The following SLC24A2 variants were observed in gnomAD, a reference collection of about 807,000 sequenced individuals.
The protein encoded by SLC24A2 is solute carrier family 24 member 2, also known as sodium/potassium/calcium exchanger 2.
Under a neutral mutation model 62.0 loss-of-function variants are expected in SLC24A2, and 36 were observed. The observed-to-expected ratio is 0.58, with a 90% confidence interval of 0.44 to 0.77. The LOEUF (loss-of-function observed/expected upper bound fraction) is 0.77, where lower values mean the gene tolerates loss of function less well. Ranked by LOEUF, SLC24A2 falls within the 30% of genes least tolerant of loss-of-function variation. The pLI is 0.00. For missense variants in SLC24A2, 846 were observed against 817.9 expected, an observed-to-expected ratio of 1.03 and a Z score of -0.42; for synonymous variants, 358 against 294.0, an observed-to-expected ratio of 1.22 and a Z score of -2.23.
chr9:20,150,250 G>A, the SLC24A2 span, among the ~76,000 whole-genome samples: 1 of 151,832 alleles, frequency 6.6e-6, no homozygotes, highest in Non-Finnish European at 1.5e-5. Flanking sequence ...AAATGCAACT[G>A]GATTATTACA....
At chr9:19,803,117 C>T in the SLC24A2 span, among the ~76,000 whole-genome samples, 1 of 152,152 alleles carries the variant, frequency 6.6e-6, no homozygotes, top group African/African-American at 2.4e-5. Context: ...TAAGCCACCC[C>T]ATTTATGGTA....
chr9:19,689,430 C>T (rs1435333821), intron 2 of SLC24A2, among the ~76,000 whole-genome samples: 1 of 152,124 alleles, frequency 6.6e-6, no homozygotes, highest in African/African-American at 2.4e-5. Context: ...CTGCTGAAAG[C>T]ATTTTGGATA....
chr9:20,140,769 G>T, the SLC24A2 span, among the ~76,000 whole-genome samples: 2 of 152,142 alleles, frequency 1.3e-5, no homozygotes, highest in African/African-American at 4.8e-5. Context: ...AAAGGATCCT[G>T]GTTTGGACAA....
At chr9:19,761,900 G>A (rs1041072412) in intron 2 of SLC24A2, among the ~76,000 whole-genome samples, 1 of 152,076 alleles carries the variant, frequency 6.6e-6, no homozygotes, top group Admixed American at 6.6e-5. Flanking sequence ...ATTTGGGTTG[G>A]TTCCAAGTCT....
At chr9:19,911,809 A>G in the SLC24A2 span, among the ~76,000 whole-genome samples, 16 of 152,246 alleles carry the variant, frequency 1.1e-4, no homozygotes, top group South Asian at 2.1e-3. Context: ...CACCATCGCT[A>G]TCACTTGTCT....
the SLC24A2 span, among the ~76,000 whole-genome samples, chr9:20,289,408 G>C: frequency 6.6e-6 from 1 of 152,148 alleles, no homozygotes; most frequent in Non-Finnish European, 1.5e-5. Flanking sequence ...TCTTCTCCAT[G>C]GGAACAAGAC....
At chr9:20,236,680 C>T in the SLC24A2 span, among the ~76,000 whole-genome samples, 7 of 152,090 alleles carry the variant, frequency 4.6e-5, no homozygotes, top group Middle Eastern at 3.2e-3. Flanking sequence ...AATAATTGAA[C>T]TAAAAAAGAC....
At chr9:19,785,258 A>T (rs1252662644) in intron 2 of SLC24A2, among the ~76,000 whole-genome samples, 1 of 152,218 alleles carries the variant, frequency 6.6e-6, no homozygotes, top group Non-Finnish European at 1.5e-5. Context: ...CTCAAATTCT[A>T]CTCTAAAAAT....
At chr9:19,521,212 G>T in intron 9 of SLC24A2, 152 bp from the exon 10 acceptor site, 1 of 743,378 alleles carries the variant, frequency 1.3e-6, no homozygotes. Flanking sequence ...CACAGTCATT[G>T]CTAATAGAGT....
At chr9:20,223,581 C>T in the SLC24A2 span, among the ~76,000 whole-genome samples, 2 of 152,112 alleles carry the variant, frequency 1.3e-5, no homozygotes, top group Non-Finnish European at 2.9e-5. Flanking sequence ...TATAATTTAT[C>T]ATAAAGCTTA....
chr9:19,882,754 A>C, the SLC24A2 span, among the ~76,000 whole-genome samples: 2 of 152,126 alleles, frequency 1.3e-5, no homozygotes, highest in Admixed American at 6.5e-5. Context: ...CTCACCCCAC[A>C]GGTTAGAGAA....
chr9:19,785,914 A>C (rs1564100182), intron 2 of SLC24A2, 23 bp downstream of exon 2: 3 of 1,614,190 alleles, frequency 1.9e-6, no homozygotes, highest in African/African-American at 2.7e-5. Flanking sequence ...AAAAGCATTA[A>C]ATAAAAATCC....
intron 1 of SLC24A2, among the ~76,000 whole-genome samples, chr9:19,787,452 A>T (rs1001699003): frequency 6.6e-6 from 1 of 152,228 alleles, no homozygotes; most frequent in African/African-American, 2.4e-5. Context: ...GGCAACTAAC[A>T]ATTATTCATT....
At chr9:19,800,168 G>A in the SLC24A2 span, among the ~76,000 whole-genome samples, 1 of 152,098 alleles carries the variant, frequency 6.6e-6, no homozygotes, top group African/African-American at 2.4e-5. Flanking sequence ...AGTAGATCAT[G>A]TTCTGAGGTT....
the SLC24A2 span, among the ~76,000 whole-genome samples, chr9:19,994,338 G>A: frequency 6.6e-6 from 1 of 152,142 alleles, no homozygotes; most frequent in Non-Finnish European, 1.5e-5. Context: ...GCCTTAGCAT[G>A]AATAACCAGG....
the SLC24A2 span, among the ~76,000 whole-genome samples, chr9:20,279,373 A>C: frequency 6.6e-6 from 1 of 152,048 alleles, no homozygotes; most frequent in African/African-American, 2.4e-5. Context: ...TCTACTAAAA[A>C]CACAAAAATT....
chr9:19,687,329 T>C (rs748948071), intron 2 of SLC24A2, among the ~76,000 whole-genome samples: 12 of 152,118 alleles, frequency 7.9e-5, no homozygotes, highest in Non-Finnish European at 1.5e-4. Context: ...GGGTATGTAA[T>C]GTATAAAATG....
At chr9:20,267,028 A>G in the SLC24A2 span, among the ~76,000 whole-genome samples, 1 of 150,902 alleles carries the variant, frequency 6.6e-6, no homozygotes, top group Non-Finnish European at 1.5e-5. Context: ...GCCAGCCTAG[A>G]TGACAGAGCA....
chr9:20,243,739 G>T, the SLC24A2 span, among the ~76,000 whole-genome samples: 1 of 152,074 alleles, frequency 6.6e-6, no homozygotes, highest in Non-Finnish European at 1.5e-5. Context: ...AATGAGATGT[G>T]GTCAATGGGG....
Sources: allele counts gnomAD v4.1 joint callset (sites outside exome capture counted in the v4.1 genomes callset), GRCh38; gene constraint gnomAD v4.1.1; transcripts MANE v1.5; gene names NCBI Gene and HGNC (gene_info 2026-07-23, HGNC 2026-07-21).